The following CSMD1 variants were observed in gnomAD, a reference collection of about 807,000 sequenced individuals.
CSMD1 encodes the protein CUB and Sushi multiple domains 1.
In CSMD1, 213 loss-of-function variants were observed where a neutral mutation model predicts 417.5. The observed-to-expected ratio is 0.51, with a 90% CI of 0.46 to 0.57. The LOEUF (loss-of-function observed/expected upper bound fraction) is 0.57. CSMD1 is among the 20% of genes least tolerant of loss of function. The pLI is 0.00. For missense variants in CSMD1, 6,923 were observed against 4,529.7 expected (o/e 1.53, Z -15.17); for synonymous variants, 2,862 against 1,736.8 (o/e 1.65, Z -16.11).
chr8:3,947,862 C>T (rs1165034987), intron 5 of CSMD1, among the ~76,000 whole-genome samples: 4 of 152,148 alleles, frequency 2.6e-5, no homozygotes, highest in Non-Finnish European at 5.9e-5. Context: ...ACCTCCACAG[C>T]CTTTTCAACT....
intron 3 of CSMD1, among the ~76,000 whole-genome samples, chr8:4,306,016 G>A (rs376281796): frequency 1.4e-4 from 22 of 152,128 alleles, no homozygotes; most frequent in South Asian, 4.2e-4. Flanking sequence ...TATTATACTC[G>A]GTGCATTTGC....
chr8:3,532,684 T>A (rs971917568), intron 10 of CSMD1, among the ~76,000 whole-genome samples: 5 of 152,160 alleles, frequency 3.3e-5, no homozygotes, highest in Non-Finnish European at 4.4e-5. Context: ...AAAAATAATA[T>A]TCTCATCCTT....
intron 49 of CSMD1, among the ~76,000 whole-genome samples, chr8:3,085,711 C>G (rs765694522): frequency 3.3e-5 from 5 of 152,160 alleles, no homozygotes; most frequent in Non-Finnish European, 5.9e-5. Flanking sequence ...TATCCCAAAC[C>G]TATATATGTG....
intron 26 of CSMD1, chr8:3,278,497 A>C (rs879117682): frequency 6.6e-6 from 1 of 152,218 alleles, no homozygotes; most frequent in Non-Finnish European, 1.5e-5. Flanking sequence ...CTTGGAAACA[A>C]TGGCCACACT....
intron 2 of CSMD1, among the ~76,000 whole-genome samples, chr8:4,598,306 C>G (rs1321559584): frequency 6.6e-6 from 1 of 152,170 alleles, no homozygotes; most frequent in Non-Finnish European, 1.5e-5. Flanking sequence ...ATTACGAATA[C>G]TATGCTGAAT....
At chr8:3,421,471 T>C (rs993994734) in intron 12 of CSMD1, among the ~76,000 whole-genome samples, 1 of 152,220 alleles carries the variant, frequency 6.6e-6, no homozygotes, top group Non-Finnish European at 1.5e-5. Flanking sequence ...AAAGACTTCA[T>C]TTTATTTACA....
intron 5 of CSMD1, among the ~76,000 whole-genome samples, chr8:3,867,043 A>T (rs1025156011): frequency 1.4e-4 from 21 of 152,156 alleles, no homozygotes; most frequent in Admixed American, 5.2e-4. Flanking sequence ...GCACTTGTAG[A>T]ATTGCTATTT....
intron 7 of CSMD1, among the ~76,000 whole-genome samples, chr8:3,687,095 A>C (rs1012518495): frequency 1.3e-5 from 2 of 152,244 alleles, no homozygotes; most frequent in Admixed American, 1.3e-4. Flanking sequence ...TGTATGTCCA[A>C]TAAAATGCAG....
At chr8:3,244,406 T>C (rs1481968601) in intron 26 of CSMD1, among the ~76,000 whole-genome samples, 1 of 152,232 alleles carries the variant, frequency 6.6e-6, no homozygotes, top group East Asian at 1.9e-4. Context: ...AGCAATCTGC[T>C]TTTGTTTAAC....
intron 3 of CSMD1, among the ~76,000 whole-genome samples, chr8:4,205,130 T>G (rs910444273): frequency 6.6e-6 from 1 of 152,204 alleles, no homozygotes; most frequent in Non-Finnish European, 1.5e-5. Context: ...CACATTTATC[T>G]CAACTCTGTT....
intron 1 of CSMD1, among the ~76,000 whole-genome samples, chr8:4,993,163 C>A (rs1243428753): frequency 1.3e-5 from 2 of 151,796 alleles, no homozygotes; most frequent in Non-Finnish European, 2.9e-5. Context: ...CTAGAGAGGA[C>A]GGGGAAATAT....
At chr8:3,383,873 G>T (rs10111233) in intron 18 of CSMD1, among the ~76,000 whole-genome samples, 3,148 of 152,204 alleles carry the variant, frequency 0.021, 112 homozygotes, top group African/African-American at 0.072. Context: ...ATATGTTTAA[G>T]CAATAATATT....
chr8:3,299,250 G>A (rs189316864), intron 25 of CSMD1, among the ~76,000 whole-genome samples: 3 of 152,138 alleles, frequency 2.0e-5, no homozygotes, highest in South Asian at 4.1e-4. Flanking sequence ...TCAGGAGTTC[G>A]AGACCAGCCT....
intron 2 of CSMD1, among the ~76,000 whole-genome samples, chr8:4,541,528 G>A (rs1021369705): frequency 2.0e-5 from 3 of 151,912 alleles, no homozygotes; most frequent in Admixed American, 1.3e-4. Context: ...TGGGCCTATT[G>A]CTTGAGGTCA....
chr8:3,707,718 G>A (rs777368229), intron 7 of CSMD1, among the ~76,000 whole-genome samples: 24 of 152,186 alleles, frequency 1.6e-4, no homozygotes, highest in Non-Finnish European at 2.5e-4. Context: ...GGAGCACATA[G>A]GCTGTTGGCT....
intron 2 of CSMD1, among the ~76,000 whole-genome samples, chr8:4,561,606 C>G (rs1049997645): frequency 6.6e-6 from 1 of 151,982 alleles, no homozygotes; most frequent in African/African-American, 2.4e-5. Flanking sequence ...CCCTTGAGCC[C>G]AGGAGATTGA....
At chr8:4,993,980 G>T (rs891143915) in intron 1 of CSMD1, among the ~76,000 whole-genome samples, 6 of 152,146 alleles carry the variant, frequency 3.9e-5, no homozygotes, top group Non-Finnish European at 8.8e-5. Context: ...CCGACCCGTG[G>T]AGTCCACGTC....
intron 3 of CSMD1, among the ~76,000 whole-genome samples, chr8:4,334,651 T>C (rs978576875): frequency 6.6e-6 from 1 of 152,190 alleles, no homozygotes; most frequent in Non-Finnish European, 1.5e-5. Flanking sequence ...TTATACCTTC[T>C]ATGGTTAGAG....
At chr8:3,932,039 A>C (rs1810187453) in intron 5 of CSMD1, among the ~76,000 whole-genome samples, 1 of 150,616 alleles carries the variant, frequency 6.6e-6, no homozygotes, top group South Asian at 2.2e-4. Flanking sequence ...CTTCAGTTCT[A>C]ATTTCATCAG....
Sources: allele counts gnomAD v4.1 joint callset (sites outside exome capture counted in the v4.1 genomes callset), GRCh38; gene constraint gnomAD v4.1.1; transcripts MANE v1.5; gene names NCBI Gene and HGNC (gene_info 2026-07-23, HGNC 2026-07-21).